The following GPC5 variants were observed in gnomAD, a reference collection of about 807,000 sequenced individuals.
GPC5 encodes the protein glypican 5.
GPC5 carries 47 observed loss-of-function variants against 53.9 expected under a neutral mutation model. The observed-to-expected ratio is 0.87, with a 90% CI of 0.69 to 1.11. The LOEUF (loss-of-function observed/expected upper bound fraction) is 1.11, where lower values mean the gene tolerates loss of function less well. GPC5 is among the 50% of genes most tolerant of loss of function. The pLI, the probability that GPC5 is intolerant of heterozygous loss-of-function variation, is 0.00. For missense variants in GPC5, 748 were observed against 713.1 expected (o/e 1.05, Z -0.56); for synonymous variants, 286 against 263.3 (o/e 1.09, Z -0.84).
intron 7 of GPC5, among the ~76,000 whole-genome samples, chr13:92,338,856 T>C (rs2043343829): frequency 6.6e-6 from 1 of 152,116 alleles, no homozygotes; most frequent in Non-Finnish European, 1.5e-5. Context: ...GAATGTACAA[T>C]ATCAACAGTA....
intron 7 of GPC5, among the ~76,000 whole-genome samples, chr13:92,646,213 G>C (rs4619264): frequency 0.58 from 87,694 of 151,850 alleles, 25,944 homozygotes; most frequent in Admixed American, 0.65. Context: ...AACAAGAAAG[G>C]TGAGGATCAA....
At position 91,714,951 on chromosome 13, in the gene GPC5, A is replaced by G. The variant is rs115806110; in HGVS notation, c.1021-13581A>G. 7.5e-3 allele frequency among the ~76,000 whole-genome samples: 1,142 copies of G among 152,342 alleles called. 12 individuals are homozygous for G. The highest frequency in any genetic ancestry group is 0.026 in the African/African-American group (1,093 of 41,572). On this transcript the variant is annotated intron_variant, in intron 3 of 7. Transcript: ENST00000377067. ...GTTGCAGCTCTGTGACTGCTCCTGCAGAGCAGAGCTCCTCCATAGGCAATG... is the reference window on the plus strand; with the variant it reads ...GTTGCAGCTCTGTGACTGCTCCTGCGGAGCAGAGCTCCTCCATAGGCAATG...
intron 6 of GPC5, among the ~76,000 whole-genome samples, chr13:92,128,574 A>G (rs962455773): frequency 6.6e-6 from 1 of 152,178 alleles, no homozygotes; most frequent in Non-Finnish European, 1.5e-5. Flanking sequence ...TTTTTACTTC[A>G]TTACTCTGTC....
chr13:92,309,462 A>T (rs569178985), intron 7 of GPC5, among the ~76,000 whole-genome samples: 24 of 152,272 alleles, frequency 1.6e-4, no homozygotes, highest in African/African-American at 5.5e-4. Context: ...ACACAAAATT[A>T]TTGAACCTAG....
intron 7 of GPC5, among the ~76,000 whole-genome samples, chr13:92,779,218 T>C (rs541599951): frequency 6.6e-6 from 1 of 152,048 alleles, no homozygotes; most frequent in South Asian, 2.1e-4. Flanking sequence ...AACCATCAGA[T>C]CTCATGAGAC....
chr13:91,862,684 C>T (rs1009276112), intron 5 of GPC5, among the ~76,000 whole-genome samples: 14 of 152,192 alleles, frequency 9.2e-5, no homozygotes, highest in African/African-American at 3.4e-4. Context: ...CATACACACA[C>T]ACACAATACA....
At chr13:92,205,428 T>G (rs2042326825) in intron 7 of GPC5, among the ~76,000 whole-genome samples, 1 of 152,132 alleles carries the variant, frequency 6.6e-6, no homozygotes, top group Non-Finnish European at 1.5e-5. Context: ...AGTCACCTCA[T>G]TAGCATAAAT....
At chr13:92,237,275 A>G (rs1926619) in intron 7 of GPC5, among the ~76,000 whole-genome samples, 45,579 of 152,024 alleles carry the variant, frequency 0.3, 7,267 homozygotes, top group South Asian at 0.45. Context: ...GCTGGAGTGC[A>G]GTGGCGTAAT....
At chr13:92,255,477 T>C (rs980623951) in intron 7 of GPC5, among the ~76,000 whole-genome samples, 2 of 152,154 alleles carry the variant, frequency 1.3e-5, no homozygotes, top group African/African-American at 4.8e-5. Context: ...AATTTATGTA[T>C]CTAGATGTAT....
chr13:92,527,936 A>G (rs1209404599), intron 7 of GPC5, among the ~76,000 whole-genome samples: 1 of 152,202 alleles, frequency 6.6e-6, no homozygotes, highest in Non-Finnish European at 1.5e-5. Flanking sequence ...ATTTAATGAA[A>G]ATAGTTAAAC....
At chr13:92,256,405 T>G (rs2042726798) in intron 7 of GPC5, among the ~76,000 whole-genome samples, 1 of 151,958 alleles carries the variant, frequency 6.6e-6, no homozygotes. Context: ...ATAGCCAAAT[T>G]CCTCAAAGGA....
chr13:92,809,337 T>C (rs971212395), intron 7 of GPC5, among the ~76,000 whole-genome samples: 3 of 152,192 alleles, frequency 2.0e-5, no homozygotes, highest in Non-Finnish European at 2.9e-5. Context: ...GGTTCAAACA[T>C]ACTGCAATCG....
chr13:91,986,335 G>C (rs908831161), intron 6 of GPC5, among the ~76,000 whole-genome samples: 1 of 151,968 alleles, frequency 6.6e-6, no homozygotes, highest in Admixed American at 6.6e-5. Flanking sequence ...AAAGTGCTGG[G>C]ATTACAGGCG....
At chr13:91,934,166 A>C (rs2039848257) in intron 6 of GPC5, among the ~76,000 whole-genome samples, 1 of 151,996 alleles carries the variant, frequency 6.6e-6, no homozygotes, top group South Asian at 2.1e-4. Flanking sequence ...AGTATACAAA[A>C]GAAGAAAATT....
chr13:91,964,305 G>A (rs191967977), intron 6 of GPC5, among the ~76,000 whole-genome samples: 12 of 152,274 alleles, frequency 7.9e-5, no homozygotes, highest in Admixed American at 6.5e-4. Flanking sequence ...GCAGGTTGCT[G>A]GTGTGGGCTC....
chr13:91,734,155 C>T (rs1382334080), intron 4 of GPC5, among the ~76,000 whole-genome samples: 1 of 151,206 alleles, frequency 6.6e-6, no homozygotes, highest in Non-Finnish European at 1.5e-5. Context: ...GTTGAACCAG[C>T]CTTGCATCCC....
At chr13:92,576,329 A>G (rs913393092) in intron 7 of GPC5, among the ~76,000 whole-genome samples, 8 of 152,322 alleles carry the variant, frequency 5.3e-5, no homozygotes, top group Admixed American at 1.3e-4. Context: ...GACGGTACCT[A>G]GGAATGGATG....
chr13:92,798,520 G>A (rs1441511594), intron 7 of GPC5, among the ~76,000 whole-genome samples: 1 of 151,844 alleles, frequency 6.6e-6, no homozygotes, highest in African/African-American at 2.4e-5. Context: ...TGCCATGTGT[G>A]ATAACCTACA....
chr13:92,630,573 C>G (rs1298637475), intron 7 of GPC5, among the ~76,000 whole-genome samples: 4 of 152,028 alleles, frequency 2.6e-5, no homozygotes, highest in African/African-American at 9.7e-5. Flanking sequence ...AAAGCAGAGA[C>G]ATTAGAACAT....
Sources: gnomAD v4.1 joint callset for allele counts (sites outside exome capture counted in the v4.1 genomes callset) on GRCh38, gnomAD v4.1.1 for gene constraint, MANE v1.5 for transcripts, NCBI Gene and HGNC (gene_info 2026-07-23, HGNC 2026-07-21) for gene names.